FMO2: variants seen among roughly 807,000 people sequenced by gnomAD.
FMO2 encodes flavin-containing monooxygenase 2.
A neutral mutation model predicts 41.6 loss-of-function variants in FMO2; 33 were observed. The observed-to-expected ratio is 0.79, with a 90% CI of 0.60 to 1.06. FMO2 has a LOEUF of 1.06. FMO2 is among the 50% of genes least tolerant of loss of function. FMO2 has a pLI of 0.00. For synonymous variants in FMO2, 214 were observed against 219.6 expected, an observed-to-expected ratio of 0.97 and a Z score of 0.23; for missense variants, 619 against 632.9, an observed-to-expected ratio of 0.98 and a Z score of 0.23.
chr1:171,197,414 A>G (rs1658349453), intron 4 of FMO2, among the ~76,000 whole-genome samples: 1 of 152,178 alleles, frequency 6.6e-6, no homozygotes, highest in Non-Finnish European at 1.5e-5. Flanking sequence ...CAAAGATTCA[A>G]ACACTATGGA....
At position 171,185,718 on chromosome 1, in the gene FMO2, C is replaced by T. The variant is rs552078472; in HGVS notation, c.5C>T (p.Ala2Val). Residue 2 changes from alanine to valine, a missense_variant, in exon 2 of 9, where the codon GCA becomes GTA. By Grantham distance (64) the Ala-to-Val change is moderately conservative (BLOSUM62 0). Coordinates refer to ENST00000209929, the MANE Select transcript of FMO2 (RefSeq NM_001460.5). M[A>V]KKVAVIGAGV... ...TCAACTCCTTGACAGGAGCTGATGG[C>T]AAAGAAGGTAGCTGTGATTGGAGCT... 3 of 1,613,578 alleles carry T rather than the reference C, an allele frequency of 1.9e-6. No individual in the cohort carries two copies. In the African/African-American group the frequency reaches 4.0e-5, roughly 22 times the overall value.
In FMO2 at chr1:171,185,556, G is replaced by T. The variant is rs1301674648; in HGVS notation, c.-6-152G>T. The T allele has an allele frequency of 7.2e-6, 5 of 695,318 alleles. No individual in the cohort carries two copies. In the African/African-American group the frequency reaches 8.9e-5, roughly 12 times the overall value. The allele number at this position is 695,318 out of a possible 1,614,324, so 43.1% of individuals were successfully genotyped here. ...TCAGCTTTTCTCAAAGGCAAGAAGA[G>T]AGCAGGATTTTTGACTGGCTCTTTA... On this transcript the variant is annotated intron_variant, in intron 1 of 8. Coordinates refer to ENST00000209929, the MANE Select transcript of FMO2 (RefSeq NM_001460.5).
intron 2 of FMO2, among the ~76,000 whole-genome samples, chr1:171,190,250 G>T (rs1364250374): frequency 6.6e-6 from 1 of 151,998 alleles, no homozygotes; most frequent in South Asian, 2.1e-4. Flanking sequence ...AATTCAGCTC[G>T]TGATCAAAAG....
rs370847896 is a variant in FMO2, at chr1:171,185,757, T to C, written c.44T>C (p.Leu15Pro). Residue 15 changes from leucine to proline, a missense_variant, in exon 2 of 9, where the codon CTA becomes CCA. Coordinates refer to ENST00000209929, the MANE Select transcript of FMO2 (RefSeq NM_001460.5). ...GTGATTGGAGCTGGGGTCAGTGGCC[T>C]AATTTCTCTGAAGTGCTGTGTGGAT... The part of the protein sequence containing the change: ...VAVIGAGVSG[L>P]ISLKCCVDEG... 3 of 1,613,916 alleles carry C rather than the reference T, an allele frequency of 1.9e-6. No individual in the cohort carries two copies. Among genetic ancestry groups the C allele is most frequent in the Non-Finnish European group, 1.7e-6 (2 of 1,179,810 alleles).
rs745593809 is a variant in FMO2, at chr1:171,199,422, C to T, written c.561C>T (p.Ile187=). The change falls in exon 5 of 9, where the codon ATC becomes ATT. Residue 187 remains isoleucine (I), a synonymous_variant. Transcript: ENST00000209929. ...KHPDGFEGKR[I]LVIGMGNSGS... is the part of the protein sequence containing the mutation. ...CAGATGGATTTGAGGGAAAACGCATCCTGGTGATTGGAATGGGAAACTCAG... is the reference window on the plus strand; with the variant it reads ...CAGATGGATTTGAGGGAAAACGCATTCTGGTGATTGGAATGGGAAACTCAG... 1.2e-6 allele frequency: 2 copies of T among 1,612,608 alleles called. No homozygotes were observed. Among genetic ancestry groups the T allele is most frequent in the South Asian group, 2.2e-5 (2 of 90,748 alleles).
rs111856484 is a variant in FMO2 at position 171,212,652 on chromosome 1, CA to C, written c.*3510del. On this transcript the variant is annotated 3_prime_UTR_variant, in exon 9 of 9. Coordinates refer to ENST00000209929, the MANE Select transcript of FMO2 (RefSeq NM_001460.5). Reference sequence around the variant, plus strand: ...GTAATAAAATTTGAAACAATAATTTCAAATAATAAAGATTGAAAATGCTTAA... The same window carrying C: ...GTAATAAAATTTGAAACAATAATTTCAATAATAAAGATTGAAAATGCTTAA... Among the ~76,000 whole-genome samples the C allele has an allele frequency of 3.3e-5, 5 of 152,230 alleles. 1 individual carries two copies. The highest frequency in any genetic ancestry group is 1.2e-4 in the African/African-American group (5 of 41,546).
At chr1:171,195,735 A>G (rs1183355757) in intron 3 of FMO2, among the ~76,000 whole-genome samples, 1 of 152,242 alleles carries the variant, frequency 6.6e-6, no homozygotes, top group Non-Finnish European at 1.5e-5. Flanking sequence ...TTCTTAATCC[A>G]GCAGATATGA....
rs1281931483 is a variant in FMO2 at position 171,203,925 on chromosome 1, C to G, written c.688C>G (p.Pro230Ala). The G allele has an allele frequency of 6.8e-6, 11 of 1,613,606 alleles. No homozygotes were observed. The highest frequency in any genetic ancestry group is 9.3e-6 in the Non-Finnish European group (11 of 1,179,762). The part of the protein sequence containing the change: ...VMSRISEDGY[P>A]WDSVFHTRFR... Reference sequence around the variant, plus strand: ...GAGCCGTATCTCTGAAGATGGCTATCCTTGGGACTCAGTGTTCCACACCCG... The same window carrying G: ...GAGCCGTATCTCTGAAGATGGCTATGCTTGGGACTCAGTGTTCCACACCCG... The change falls in exon 6 of 9, where the codon CCT becomes GCT. Residue 230 changes from proline to alanine, a missense_variant. Pro to Ala is a conservative substitution (Grantham distance 27). Coordinates refer to ENST00000209929, the MANE Select transcript of FMO2 (RefSeq NM_001460.5).
At chr1:171,196,235 T>C (rs1658306592) in intron 3 of FMO2, among the ~76,000 whole-genome samples, 1 of 152,208 alleles carries the variant, frequency 6.6e-6, no homozygotes, top group Non-Finnish European at 1.5e-5. Context: ...TGTTTTGAAA[T>C]AATTATATAA....
chr1:171,203,323 TCACACACACACA>T (rs10628039), intron 5 of FMO2, among the ~76,000 whole-genome samples: 168 of 144,052 alleles, frequency 1.2e-3, no homozygotes, highest in South Asian at 9.1e-3. Flanking sequence ...AGACCCTGTC[TCACACACACACA>T]CACACACACA....
chr1:171,193,969 G>A (rs540420583), intron 3 of FMO2, among the ~76,000 whole-genome samples: 5 of 152,000 alleles, frequency 3.3e-5, no homozygotes, highest in East Asian at 3.9e-4. Context: ...TGGTAGGGAC[G>A]AGGTTTCACC....
intron 4 of FMO2, 111 bp from the exon 5 acceptor site, chr1:171,199,235 C>A: frequency 9.0e-7 from 1 of 1,113,010 alleles, no homozygotes; most frequent in African/African-American, 1.6e-5. Context: ...AGAGAAGAGG[C>A]AAAACAAATT....
Position 171,192,361 on chromosome 1 carries a change from C to T in FMO2, c.133-974C>T, listed in dbSNP as rs543653137. On this transcript the variant is annotated intron_variant, in intron 2 of 8. Coordinates refer to ENST00000209929, the MANE Select transcript of FMO2 (RefSeq NM_001460.5). ...TTAATATGTATAGTTAACAATAATA[C>T]CATACTACATTCTAACTACCTAGAA... is the stretch of plus-strand genomic sequence containing the variant. Among the ~76,000 whole-genome samples the T allele has an allele frequency of 7.7e-4, 117 of 152,238 alleles. 1 individual carries two copies. Among genetic ancestry groups the T allele is most frequent in the African/African-American group, 2.8e-3 (115 of 41,536 alleles).
At chr1:171,192,546 G>A (rs1196254992) in intron 2 of FMO2, among the ~76,000 whole-genome samples, 1 of 152,026 alleles carries the variant, frequency 6.6e-6, no homozygotes, top group Non-Finnish European at 1.5e-5. Context: ...TGGATCACGA[G>A]GTCAGGAGAT....
Position 171,196,732 on chromosome 1 carries a change from G to T in FMO2, c.405G>T (p.Glu135Asp). 1.2e-6 allele frequency: 2 copies of T among 1,613,636 alleles called. No individual in the cohort carries two copies. Among genetic ancestry groups the T allele is most frequent in the African/African-American group, 1.3e-5 (1 of 75,042 alleles). The change falls in exon 4 of 9, where the codon GAG (glutamate) becomes GAT (aspartate). Residue 135 changes from glutamate (E) to aspartate (D), a missense_variant. By Grantham distance (45) the Glu-to-Asp change is conservative (BLOSUM62 2). Coordinates refer to ENST00000209929, the MANE Select transcript of FMO2 (RefSeq NM_001460.5). ...TTGTCACTCAGAGCAACGGCAAGGA[G>T]CAGAGTGCTGTCTTTGACGCAGTTA... ...WKVVTQSNGK[E>D]QSAVFDAVMV...
At chr1:171,201,859 T>C (rs1658553304) in intron 5 of FMO2, among the ~76,000 whole-genome samples, 1 of 151,892 alleles carries the variant, frequency 6.6e-6, no homozygotes, top group Non-Finnish European at 1.5e-5. Context: ...AACCATCAGA[T>C]CTCGTGAGAA....
At chr1:171,191,103 A>T (rs527990839) in intron 2 of FMO2, among the ~76,000 whole-genome samples, 1 of 151,962 alleles carries the variant, frequency 6.6e-6, no homozygotes, top group Admixed American at 6.6e-5. Flanking sequence ...CGAGATCATG[A>T]CATTGCACTC....
chr1:171,199,641 C>T (rs772120755), intron 5 of FMO2, 153 bp downstream of exon 5: 2 of 600,352 alleles, frequency 3.3e-6, no homozygotes, highest in Non-Finnish European at 5.5e-6. Flanking sequence ...AGTCAAGAAA[C>T]CACTTTACCT....
chr1:171,187,248 G>A (rs952624511), intron 2 of FMO2, among the ~76,000 whole-genome samples: 4 of 152,140 alleles, frequency 2.6e-5, no homozygotes, highest in African/African-American at 9.7e-5. Context: ...ATGTAATCAG[G>A]TATCCCTGAG....
Sources: gnomAD v4.1 joint callset for allele counts (sites outside exome capture counted in the v4.1 genomes callset) on GRCh38, gnomAD v4.1.1 for gene constraint, MANE v1.5 for transcripts, NCBI Gene and HGNC (gene_info 2026-07-23, HGNC 2026-07-21) for gene names.